The following OIT3 variants were observed in gnomAD, a reference collection of about 807,000 sequenced individuals.
OIT3 encodes the protein oncoprotein induced transcript 3.
OIT3 carries 41 observed loss-of-function variants against 52.2 expected under a neutral mutation model. The ratio of observed to expected loss-of-function variants is 0.79; its 90% CI spans 0.61 to 1.02. The LOEUF is 1.02. OIT3 is among the 50% of genes least tolerant of loss of function. OIT3 has a pLI of 0.00. For synonymous variants in OIT3, 244 were observed against 276.9 expected, an observed-to-expected ratio of 0.88 and a Z score of 1.18; for missense variants, 634 against 715.5, an observed-to-expected ratio of 0.89 and a Z score of 1.30.
intron 1 of OIT3, among the ~76,000 whole-genome samples, chr10:72,895,360 A>G (rs1412269933): frequency 2.0e-5 from 3 of 151,936 alleles, no homozygotes; most frequent in Non-Finnish European, 4.4e-5. Flanking sequence ...CATTCTTTCC[A>G]TATACCATCG....
At chr10:72,920,512 G>A (rs1013309391) in intron 6 of OIT3, among the ~76,000 whole-genome samples, 29 of 152,020 alleles carry the variant, frequency 1.9e-4, no homozygotes, top group African/African-American at 6.8e-4. Context: ...AGTTCTTTTA[G>A]TTGTGATGTC....
At chr10:72,918,107 A>C (rs753433654) in intron 6 of OIT3, 1 of 1,369,388 alleles carries the variant, frequency 7.3e-7, no homozygotes, top group South Asian at 1.2e-5. Flanking sequence ...CTCCAGGGGC[A>C]GACTGCTTTC....
intron 6 of OIT3, among the ~76,000 whole-genome samples, chr10:72,922,189 A>G (rs1016245420): frequency 2.0e-5 from 3 of 152,164 alleles, no homozygotes; most frequent in African/African-American, 7.2e-5. Context: ...GGAGTATCTT[A>G]CTGGGGTTCT....
At chr10:72,906,570 G>A in intron 3 of OIT3, 26 bp from the exon 4 acceptor site, 1 of 1,613,632 alleles carries the variant, frequency 6.2e-7, no homozygotes, top group Non-Finnish European at 8.5e-7. Context: ...CAGCAGTATA[G>A]AAACAGTGTG....
rs368716177 is a variant in OIT3 at position 72,930,534 on chromosome 10, T to A, written c.1368-4T>A. 812 of 1,604,676 alleles carry A rather than the reference T, an allele frequency of 5.1e-4. No individual in the cohort carries two copies. Among genetic ancestry groups the A allele is most frequent in the Non-Finnish European group, 6.5e-4 (761 of 1,171,688 alleles). Reference sequence around the variant, plus strand: ...GTCTTATGTGCTATCTGCCCTACTTTCAGCTGTGTTTCAGATGACTCGGTA... The same window carrying A: ...GTCTTATGTGCTATCTGCCCTACTTACAGCTGTGTTTCAGATGACTCGGTA... On this transcript the variant is annotated splice_polypyrimidine_tract_variant and splice_region_variant and intron_variant, in intron 7 of 8. Transcript: ENST00000334011.
chr10:72,896,737 T>C (rs1048840241), intron 1 of OIT3, among the ~76,000 whole-genome samples: 6 of 152,196 alleles, frequency 3.9e-5, no homozygotes, highest in Admixed American at 1.3e-4. Context: ...TTGTGCAGTA[T>C]TTGCTAATAC....
At chr10:72,921,711 C>T (rs1391458905) in intron 6 of OIT3, among the ~76,000 whole-genome samples, 3 of 146,094 alleles carry the variant, frequency 2.1e-5, no homozygotes, top group Non-Finnish European at 4.5e-5. Flanking sequence ...CTTGCTCTGT[C>T]TCCCAGGCTG....
chr10:72,905,968 T>C (rs1173335282), intron 3 of OIT3, among the ~76,000 whole-genome samples: 1 of 152,132 alleles, frequency 6.6e-6, no homozygotes, highest in African/African-American at 2.4e-5. Flanking sequence ...CAAATTTAGC[T>C]CCCAAGCTTC....
intron 8 of OIT3, among the ~76,000 whole-genome samples, chr10:72,930,893 G>A (rs1846211429): frequency 6.6e-6 from 1 of 152,008 alleles, no homozygotes; most frequent in South Asian, 2.1e-4. Context: ...AATACTATAG[G>A]ATCATAATTT....
intron 2 of OIT3, among the ~76,000 whole-genome samples, chr10:72,899,755 A>G (rs553357743): frequency 2.2e-5 from 3 of 134,506 alleles, no homozygotes; most frequent in East Asian, 2.1e-4. Context: ...ATAGATAGAT[A>G]GATGATAGAT....
chr10:72,924,609 C>G lies in OIT3; in HGVS notation c.1332C>G (p.Ile444Met), dbSNP rs778112818. 1.2e-6 allele frequency: 2 copies of G among 1,613,232 alleles called. No homozygotes were observed. The highest frequency in any genetic ancestry group is 1.7e-6 in the Non-Finnish European group (2 of 1,179,568). Reference sequence around the variant, plus strand: ...GCTTTGCCACCCCCACCTCCAAGATCGACGAGGTCCTGAAATACTACCTCA... The same window carrying G: ...GCTTTGCCACCCCCACCTCCAAGATGGACGAGGTCCTGAAATACTACCTCA... The part of the protein sequence containing the change: ...ESCFATPTSK[I>M]DEVLKYYLIR... The change falls in exon 7 of 9, where the codon ATC becomes ATG. Residue 444 changes from isoleucine to methionine, a missense_variant. Ile to Met is a conservative substitution (Grantham distance 10). Transcript: ENST00000334011.
In OIT3 at chr10:72,924,211, C is replaced by T. The variant is rs764827335; in HGVS notation, c.952-18C>T. On this transcript the variant is annotated intron_variant, in intron 6 of 8. Transcript: ENST00000334011. ...AAACAGACAATCTCTTTCCTCTCCT[C>T]ACCCTGGCCTGGCTCAGGTGGTGAA... is the stretch of plus-strand genomic sequence containing the variant. The T allele has an allele frequency of 3.3e-5, 52 of 1,565,546 alleles. 1 individual carries two copies. Among genetic ancestry groups the T allele is most frequent in the Non-Finnish European group, 8.7e-7 (1 of 1,153,552 alleles).
At chr10:72,920,545 C>G (rs1403428283) in intron 6 of OIT3, among the ~76,000 whole-genome samples, 1 of 152,130 alleles carries the variant, frequency 6.6e-6, no homozygotes, top group Non-Finnish European at 1.5e-5. Flanking sequence ...TAAAATCTTT[C>G]TAGCTTTTGA....
intron 6 of OIT3, among the ~76,000 whole-genome samples, chr10:72,920,491 C>G (rs1055311996): frequency 1.3e-5 from 2 of 152,050 alleles, no homozygotes; most frequent in African/African-American, 4.8e-5. Context: ...TTTGTTTGCT[C>G]TTGGTTCTCT....
chr10:72,906,826 G>A (rs542734255), intron 4 of OIT3, 108 bp downstream of exon 4: 1 of 1,072,034 alleles, frequency 9.3e-7, no homozygotes, highest in East Asian at 2.7e-5. Flanking sequence ...CAACCGTTTG[G>A]CTGTGCAAAG....
chr10:72,932,203 C>T, intron 8 of OIT3, 151 bp from the exon 9 acceptor site: 1 of 737,708 alleles, frequency 1.4e-6, no homozygotes. Context: ...GTTTCCTTAT[C>T]TGTAAAATGG....
chr10:72,895,933 A>G (rs1455574783), intron 1 of OIT3, among the ~76,000 whole-genome samples: 1 of 152,118 alleles, frequency 6.6e-6, no homozygotes, highest in Non-Finnish European at 1.5e-5. Context: ...AGGATATAAG[A>G]CCAGTGGCCA....
intron 5 of OIT3, among the ~76,000 whole-genome samples, chr10:72,912,586 T>C (rs1196421348): frequency 6.6e-6 from 1 of 152,112 alleles, no homozygotes; most frequent in Non-Finnish European, 1.5e-5. Flanking sequence ...ATCTAGTTCT[T>C]GATGTCCAGA....
Position 72,932,791 on chromosome 10 carries a change from C to A in OIT3, c.*267C>A, listed in dbSNP as rs1485185535. 1 of 366,174 alleles carries A rather than the reference C, an allele frequency of 2.7e-6. No homozygotes were observed. Among genetic ancestry groups the A allele is most frequent in the Non-Finnish European group, 4.9e-6 (1 of 204,264 alleles). 22.7% of individuals were successfully genotyped at this position (366,174 alleles called of 1,614,324 possible). A position where few individuals can be genotyped will look rare whatever the true frequency, so the allele number is the denominator to read the frequency against. On this transcript the variant is annotated 3_prime_UTR_variant, in exon 9 of 9. Coordinates refer to ENST00000334011, the MANE Select transcript of OIT3 (RefSeq NM_152635.3). ...AGAAAGACACTCACCCCATTTCCCT[C>A]ATTTCTTTCCTACACTTAAATACCT...
Sources: gnomAD v4.1 joint callset for allele counts (sites outside exome capture counted in the v4.1 genomes callset) on GRCh38, gnomAD v4.1.1 for gene constraint, MANE v1.5 for transcripts, NCBI Gene and HGNC (gene_info 2026-07-23, HGNC 2026-07-21) for gene names.